CWC25: variants seen among roughly 807,000 people sequenced by gnomAD.
The protein encoded by CWC25 is CWC25 spliceosome associated protein, also known as pre-mRNA-splicing factor CWC25 homolog.
In CWC25, 31 loss-of-function variants were observed where a neutral mutation model predicts 54.6. The observed-to-expected ratio is 0.57, with a 90% CI of 0.43 to 0.77. The LOEUF is 0.77. Ranked by LOEUF, CWC25 falls within the 30% of genes least tolerant of loss-of-function variation. The pLI, the probability that CWC25 is intolerant of heterozygous loss-of-function variation, is 0.00. For missense variants in CWC25, 453 were observed against 529.3 expected, an observed-to-expected ratio of 0.86 and a Z score of 1.41; for synonymous variants, 151 against 187.0, an observed-to-expected ratio of 0.81 and a Z score of 1.57.
intron 2 of CWC25, 62 bp from the exon 3 acceptor site, chr17:38,815,159 A>G: frequency 7.0e-7 from 1 of 1,421,166 alleles, no homozygotes; most frequent in Non-Finnish European, 9.8e-7. Context: ...GCAAACCTAC[A>G]CCTAAAACCT....
In CWC25 at chr17:38,820,924, A is replaced by G. The variant is rs963048586; in HGVS notation, c.168T>C (p.Tyr56=). 6.2e-7 allele frequency: 1 copy of G among 1,613,398 alleles called. No homozygotes were observed. The highest frequency in any genetic ancestry group is 8.5e-7 in the Non-Finnish European group (1 of 1,179,712). The change falls in exon 2 of 10, where the codon TAT becomes TAC. Residue 56 remains tyrosine (Y), a synonymous_variant. Transcript: ENST00000614790. ...EERAREEMQR[Y]AEDVGAVKKK... is the part of the protein sequence containing the mutation. ...ACTTGACGGCCCCAACATCCTCCGCATAGCGCTGCATCTCTTCCCGGGCTC... is the reference window on the plus strand; with the variant it reads ...ACTTGACGGCCCCAACATCCTCCGCGTAGCGCTGCATCTCTTCCCGGGCTC...
chr17:38,816,699 C>G (rs568310169), intron 2 of CWC25, among the ~76,000 whole-genome samples: 8 of 142,320 alleles, frequency 5.6e-5, no homozygotes, highest in African/African-American at 2.3e-4. Flanking sequence ...TTTTTTTTTT[C>G]CCCCAGACAG....
At chr17:38,814,413 T>C (rs1053604171) in intron 3 of CWC25, among the ~76,000 whole-genome samples, 1 of 150,386 alleles carries the variant, frequency 6.6e-6, no homozygotes, top group Admixed American at 6.7e-5. Flanking sequence ...CCCAAATAGC[T>C]GGGACTACAG....
rs776350407 is a variant in CWC25 at position 38,802,855 on chromosome 17, G to C, written c.1008C>G (p.Leu336=). ...RRHAPGYTRK[L]SAEELERKRQ... ...GTTTTCGCTCTAATTCCTCTGCAGA[G>C]AGTTTTCTGTTGAGCACAGAAACCA... Residue 336 remains leucine (L), a synonymous_variant, in exon 9 of 10, where the codon CTC becomes CTG. Coordinates refer to ENST00000614790, the MANE Select transcript of CWC25 (RefSeq NM_017748.5). 1 of 1,613,808 alleles carries C rather than the reference G, an allele frequency of 6.2e-7. No individual in the cohort carries two copies. The highest frequency in any genetic ancestry group is 1.1e-5 in the South Asian group (1 of 91,080).
intron 2 of CWC25, among the ~76,000 whole-genome samples, chr17:38,818,370 G>A (rs1267028272): frequency 6.6e-6 from 1 of 151,598 alleles, no homozygotes; most frequent in East Asian, 1.9e-4. Flanking sequence ...GAGGCGGGCG[G>A]ATCATGAGGT....
chr17:38,809,923 G>A (rs2143563443), intron 5 of CWC25, 158 bp from the exon 6 acceptor site: 1 of 618,762 alleles, frequency 1.6e-6, no homozygotes, highest in South Asian at 2.2e-5. Flanking sequence ...TGTCTATGCC[G>A]AAAAATGCAT....
chr17:38,813,879 C>T (rs1346038233), intron 3 of CWC25, among the ~76,000 whole-genome samples: 1 of 150,840 alleles, frequency 6.6e-6, no homozygotes, highest in African/African-American at 2.4e-5. Context: ...GTTGTTTTTT[C>T]GAGACGGAGT....
chr17:38,815,698 T>C (rs1348760988), intron 2 of CWC25: 1 of 1,278,554 alleles, frequency 7.8e-7, no homozygotes, highest in Non-Finnish European at 1.0e-6. Context: ...TTCTCGAGTC[T>C]CCTTTACAGA....
chr17:38,821,508 G>A (rs940794633), intron 1 of CWC25, among the ~76,000 whole-genome samples: 11 of 152,178 alleles, frequency 7.2e-5, no homozygotes, highest in African/African-American at 1.9e-4. Flanking sequence ...GCGGTGAGCC[G>A]AAACTGCGCT....
At chr17:38,803,886 AT>A (rs1467876280) in intron 8 of CWC25, among the ~76,000 whole-genome samples, 27 of 151,286 alleles carry the variant, frequency 1.8e-4, no homozygotes, top group Admixed American at 3.3e-4. Context: ...CAAAAAAAAA[AT>A]TTTTTTTTAA....
intron 5 of CWC25, chr17:38,810,220 A>G (rs749373593): frequency 1.9e-6 from 1 of 515,852 alleles, no homozygotes; most frequent in Non-Finnish European, 3.4e-6. Context: ...CTACTAGGCT[A>G]AAGTCAGCAT....
chr17:38,825,099 A>T, intron 1 of CWC25, 67 bp downstream of exon 1: 7 of 1,306,170 alleles, frequency 5.4e-6, no homozygotes, highest in Non-Finnish European at 6.2e-6. Flanking sequence ...TCCTTCCTCT[A>T]CCCCCACCCC....
chr17:38,815,818 C>A (rs1911674257), intron 2 of CWC25: 1 of 459,372 alleles, frequency 2.2e-6, no homozygotes, highest in African/African-American at 2.0e-5. Context: ...TACGCAGTTG[C>A]ATTGATTGTG....
chr17:38,806,683 C>T (rs1031426520), intron 7 of CWC25, 82 bp downstream of exon 7: 2 of 1,242,440 alleles, frequency 1.6e-6, no homozygotes. Context: ...AATGGACGGA[C>T]ATCACCAAAA....
At chr17:38,821,863 G>A (rs1233675587) in intron 1 of CWC25, among the ~76,000 whole-genome samples, 5 of 151,696 alleles carry the variant, frequency 3.3e-5, no homozygotes, top group East Asian at 3.9e-4. Flanking sequence ...TCCGCCTCCC[G>A]GGTGCCAGCA....
At chr17:38,817,074 C>T (rs910427605) in intron 2 of CWC25, among the ~76,000 whole-genome samples, 4 of 151,276 alleles carry the variant, frequency 2.6e-5, no homozygotes, top group African/African-American at 4.9e-5. Flanking sequence ...GGCACGGTGG[C>T]TCACACTTAT....
chr17:38,811,540 C>CA (rs11387199), intron 4 of CWC25, among the ~76,000 whole-genome samples: 10,117 of 52,402 alleles, frequency 0.19, 1,487 homozygotes, highest in African/African-American at 0.44. Flanking sequence ...GACTCCGTCT[C>CA]AAAAAAAAAA....
intron 1 of CWC25, 70 bp from the exon 2 acceptor site, chr17:38,821,143 C>T: frequency 4.7e-6 from 7 of 1,489,566 alleles, no homozygotes; most frequent in East Asian, 2.3e-5. Flanking sequence ...CTAGCCCTGC[C>T]TCACCCACCC....
rs758709763 is a variant in CWC25, at chr17:38,810,498, G to T, written c.596C>A (p.Ser199Tyr). The change falls in exon 5 of 10, where the codon TCC (serine) becomes TAC (tyrosine). Residue 199 changes from serine (S) to tyrosine (Y), a missense_variant. Transcript: ENST00000614790. ...TGCACTGTGCTCATCCTCGCTGCTG[G>T]AACGATCACTACTCGAGCTTCTGTG... ...HKHRSSSSDR[S>Y]SSEDEHSAGR... 1.9e-6 allele frequency: 3 copies of T among 1,605,368 alleles called. No individual in the cohort carries two copies. Among genetic ancestry groups the T allele is most frequent in the Non-Finnish European group, 1.7e-6 (2 of 1,176,042 alleles).
Sources: gnomAD v4.1 joint callset for allele counts (sites outside exome capture counted in the v4.1 genomes callset) on GRCh38, gnomAD v4.1.1 for gene constraint, MANE v1.5 for transcripts, NCBI Gene and HGNC (gene_info 2026-07-23, HGNC 2026-07-21) for gene names.